The following TEX9 variants were observed in gnomAD, a reference collection of about 807,000 sequenced individuals.
TEX9 encodes testis expressed 9.
A neutral mutation model predicts 59.6 loss-of-function variants in TEX9; 74 were observed. That is an observed-to-expected ratio of 1.24 (90% CI 1.03 to 1.51). The LOEUF is 1.51. TEX9 is among the 40% of genes most tolerant of loss of function. The probability of loss-of-function intolerance (pLI) is 0.00; values close to 1 mark genes in which losing one functional copy is unlikely to be tolerated. For synonymous variants in TEX9, 186 were observed against 152.2 expected, an observed-to-expected ratio of 1.22 and a Z score of -1.64; for missense variants, 522 against 447.8, an observed-to-expected ratio of 1.17 and a Z score of -1.49.
chr15:56,270,674 A>C (rs2044507064), intron 1 of TEX9, among the ~76,000 whole-genome samples: 1 of 152,142 alleles, frequency 6.6e-6, no homozygotes. Flanking sequence ...TGATCCTGTT[A>C]TTATGATGTT....
chr15:56,433,567 T>C (rs1436206018), intron 12 of TEX9, among the ~76,000 whole-genome samples: 2 of 152,174 alleles, frequency 1.3e-5, no homozygotes, highest in Non-Finnish European at 2.9e-5. Context: ...CCTTATCTAT[T>C]TGCATGGGTT....
At chr15:56,400,824 C>T (rs543039019) in intron 9 of TEX9, among the ~76,000 whole-genome samples, 92 of 152,208 alleles carry the variant, frequency 6.0e-4, no homozygotes, top group African/African-American at 2.0e-3. Flanking sequence ...GAGTGGGGAC[C>T]GATATTCAAC....
intron 1 of TEX9, among the ~76,000 whole-genome samples, chr15:56,272,944 T>TG (rs141535238): frequency 8.4e-5 from 12 of 142,350 alleles, no homozygotes; most frequent in East Asian, 7.2e-4. Context: ...ATTTATTTTT[T>TG]TTGTTGTTGT....
At chr15:56,266,602 T>G (rs2044389511) in intron 1 of TEX9, among the ~76,000 whole-genome samples, 1 of 152,058 alleles carries the variant, frequency 6.6e-6, no homozygotes, top group African/African-American at 2.4e-5. Context: ...TTGTGATACT[T>G]TGCTCAGAAT....
intron 1 of TEX9, among the ~76,000 whole-genome samples, chr15:56,352,961 G>T (rs1047538493): frequency 9.2e-5 from 14 of 152,214 alleles, no homozygotes; most frequent in Non-Finnish European, 1.9e-4. Flanking sequence ...CCCACTTGGT[G>T]CATTGTCTAA....
intron 1 of TEX9, among the ~76,000 whole-genome samples, chr15:56,267,942 G>A (rs985228767): frequency 6.6e-6 from 1 of 152,158 alleles, no homozygotes; most frequent in African/African-American, 2.4e-5. Flanking sequence ...TCACGATATT[G>A]ATTCTTCCTG....
rs958199281 is a variant in TEX9 at position 56,294,815 on chromosome 15, C to G, written c.-107+50537C>G. On this transcript the variant is annotated intron_variant, in intron 1 of 5. Transcript: ENST00000560827. Reference sequence around the variant, plus strand: ...GATTTCAAACACAAATTCTGTTTCACTTAGGGTTAGCTTAGGAACTGGGGT... The same window carrying G: ...GATTTCAAACACAAATTCTGTTTCAGTTAGGGTTAGCTTAGGAACTGGGGT... Among the ~76,000 whole-genome samples the G allele has an allele frequency of 2.0e-5, 3 of 152,008 alleles. No individual in the cohort carries two copies. The East Asian group carries it at 5.8e-4, about 29-fold the overall frequency.
intron 1 of TEX9, among the ~76,000 whole-genome samples, chr15:56,342,324 G>A (rs1333705356): frequency 6.6e-6 from 1 of 152,170 alleles, no homozygotes; most frequent in Non-Finnish European, 1.5e-5. Context: ...GAGGTTAAGT[G>A]AAAAGGACAC....
intron 3 of TEX9, among the ~76,000 whole-genome samples, chr15:56,374,951 A>C (rs1264621149): frequency 1.3e-5 from 2 of 152,120 alleles, no homozygotes; most frequent in Admixed American, 1.3e-4. Flanking sequence ...TTCATCTGTT[A>C]GTGGACACTT....
At chr15:56,276,303 A>G (rs2044666781) in intron 1 of TEX9, among the ~76,000 whole-genome samples, 1 of 152,006 alleles carries the variant, frequency 6.6e-6, no homozygotes, top group Admixed American at 6.6e-5. Flanking sequence ...TGTATTAGGT[A>G]TTTGTCCTAG....
chr15:56,444,276 T>C (rs2050869469), intron 12 of TEX9, among the ~76,000 whole-genome samples: 1 of 152,072 alleles, frequency 6.6e-6, no homozygotes, highest in Admixed American at 6.6e-5. Flanking sequence ...TTAATTATGC[T>C]AACGGAGATG....
At chr15:56,394,713 T>C (rs1483182272) in exon 9 of TEX9, 1 of 1,610,432 alleles carries the variant, frequency 6.2e-7, no homozygotes, top group Admixed American at 1.7e-5. Flanking sequence ...GAAGAAGATT[T>C]TATGAGACAG....
intron 9 of TEX9, among the ~76,000 whole-genome samples, chr15:56,400,241 A>G (rs1163726867): frequency 2.0e-5 from 3 of 152,208 alleles, no homozygotes; most frequent in South Asian, 2.1e-4. Flanking sequence ...CCTTGAAAAA[A>G]GGTTAGACGA....
chr15:56,262,850 A>G (rs1295744136), intron 1 of TEX9, among the ~76,000 whole-genome samples: 1 of 152,344 alleles, frequency 6.6e-6, no homozygotes, highest in African/African-American at 2.4e-5. Context: ...TCTTTATAAA[A>G]TGCCATCCTT....
At position 56,265,963 on chromosome 15, in the gene TEX9, A is replaced by T. The variant is rs553923243; in HGVS notation, c.-107+21685A>T. Among the ~76,000 whole-genome samples, 3 of 152,272 alleles carry T rather than the reference A, an allele frequency of 2.0e-5. No individual in the cohort carries two copies. The South Asian group carries it at 6.2e-4, about 32-fold the overall frequency. ...AAAAGACCTTTTGATATGATACCAC[A>T]GTTCTTGGGTGCTCTGAGCCACCAA... On this transcript the variant is annotated intron_variant, in intron 1 of 5. Transcript: ENST00000560827.
intron 1 of TEX9, among the ~76,000 whole-genome samples, chr15:56,260,606 G>C (rs1023258612): frequency 1.3e-5 from 2 of 151,966 alleles, no homozygotes; most frequent in Non-Finnish European, 2.9e-5. Context: ...AATTGGTTAT[G>C]ATATGTTATC....
chr15:56,341,786 AT>A (rs1195737634), intron 1 of TEX9, among the ~76,000 whole-genome samples: 3 of 152,228 alleles, frequency 2.0e-5, no homozygotes, highest in African/African-American at 7.2e-5. Flanking sequence ...ATATAAAAAT[AT>A]AAAAATATAC....
chr15:56,357,348 T>A (rs907288470), intron 1 of TEX9, among the ~76,000 whole-genome samples: 1 of 152,168 alleles, frequency 6.6e-6, no homozygotes, highest in Non-Finnish European at 1.5e-5. Flanking sequence ...TTGTCTTTTT[T>A]TCCTCTTGGC....
At chr15:56,279,690 A>C (rs1485880626) in intron 1 of TEX9, among the ~76,000 whole-genome samples, 1 of 152,208 alleles carries the variant, frequency 6.6e-6, no homozygotes, top group African/African-American at 2.4e-5. Context: ...TAATTCTTGG[A>C]AAGGGCCGTT....
Sources: allele counts gnomAD v4.1 joint callset (sites outside exome capture counted in the v4.1 genomes callset), GRCh38; gene constraint gnomAD v4.1.1; transcripts MANE v1.5; gene names NCBI Gene and HGNC (gene_info 2026-07-23, HGNC 2026-07-21).